LHFPL2: variants seen among roughly 807,000 people sequenced by gnomAD.
LHFPL2 encodes LHFPL tetraspan subfamily member 2, also known as LHFPL tetraspan subfamily member 2 protein.
LHFPL2 carries 7 observed loss-of-function variants against 17.5 expected under a neutral mutation model. That is an observed-to-expected ratio of 0.40 (90% CI 0.23 to 0.75). LHFPL2 has a LOEUF of 0.75. LHFPL2 is among the 30% of genes least tolerant of loss of function. The pLI is 0.37. For missense variants in LHFPL2, 241 were observed against 294.8 expected (o/e 0.82, Z 1.34); for synonymous variants, 134 against 116.2 (o/e 1.15, Z -0.99).
At chr5:78,595,160 T>A (rs1309917769) in intron 2 of LHFPL2, among the ~76,000 whole-genome samples, 1 of 152,230 alleles carries the variant, frequency 6.6e-6, no homozygotes, top group African/African-American at 2.4e-5. Flanking sequence ...AAATAACAAG[T>A]TAGACAAGCC....
At chr5:78,534,654 C>T (rs918518739) in intron 3 of LHFPL2, among the ~76,000 whole-genome samples, 4 of 152,220 alleles carry the variant, frequency 2.6e-5, no homozygotes, top group African/African-American at 7.2e-5. Flanking sequence ...GCTCCAGGTC[C>T]TTGAGGGAAG....
intron 2 of LHFPL2, among the ~76,000 whole-genome samples, chr5:78,602,978 C>T (rs1744074356): frequency 6.6e-6 from 1 of 152,162 alleles, no homozygotes; most frequent in South Asian, 2.1e-4. Flanking sequence ...GCAACCTTCG[C>T]CTCCTGGGTT....
chr5:78,642,287 G>A (rs1745695279), intron 1 of LHFPL2: 1 of 152,070 alleles, frequency 6.6e-6, no homozygotes, highest in Admixed American at 6.5e-5. Context: ...CATGAATCTG[G>A]GGGACACAAA....
chr5:78,604,249 A>G (rs1205093590), intron 2 of LHFPL2, among the ~76,000 whole-genome samples: 1 of 152,174 alleles, frequency 6.6e-6, no homozygotes, highest in African/African-American at 2.4e-5. Flanking sequence ...AGGCCGAGGC[A>G]GGCGGATCAC....
chr5:78,608,610 A>G (rs931982769), intron 2 of LHFPL2, among the ~76,000 whole-genome samples: 2 of 151,202 alleles, frequency 1.3e-5, no homozygotes, highest in Non-Finnish European at 2.9e-5. Context: ...AAAAGTGCCT[A>G]AAAACTCTCA....
chr5:78,581,959 A>T (rs1743162493), intron 2 of LHFPL2, among the ~76,000 whole-genome samples: 1 of 152,168 alleles, frequency 6.6e-6, no homozygotes, highest in Non-Finnish European at 1.5e-5. Context: ...TTATTGCCAC[A>T]ATTTCAGATC....
At chr5:78,606,044 C>T (rs1414030463) in intron 2 of LHFPL2, among the ~76,000 whole-genome samples, 1 of 152,202 alleles carries the variant, frequency 6.6e-6, no homozygotes, top group African/African-American at 2.4e-5. Flanking sequence ...AAATTCTGTG[C>T]TCCTATGCAG....
At chr5:78,523,436 T>G (rs1755519970) in intron 3 of LHFPL2, among the ~76,000 whole-genome samples, 1 of 151,540 alleles carries the variant, frequency 6.6e-6, no homozygotes, top group Non-Finnish European at 1.5e-5. Context: ...TCCCCCACAG[T>G]GAGGGGGTAG....
At chr5:78,526,017 A>G (rs1002686660) in intron 3 of LHFPL2, among the ~76,000 whole-genome samples, 2 of 152,104 alleles carry the variant, frequency 1.3e-5, no homozygotes, top group African/African-American at 4.8e-5. Flanking sequence ...CAGCCTCCCC[A>G]AGTCCAGTGC....
chr5:78,526,763 G>A (rs1281057195), intron 3 of LHFPL2, among the ~76,000 whole-genome samples: 1 of 152,140 alleles, frequency 6.6e-6, no homozygotes, highest in African/African-American at 2.4e-5. Context: ...TCAATTGAAT[G>A]CACTTCAAAA....
intron 2 of LHFPL2, among the ~76,000 whole-genome samples, chr5:78,620,497 A>T (rs1744812846): frequency 1.3e-5 from 2 of 152,196 alleles, no homozygotes; most frequent in African/African-American, 4.8e-5. Flanking sequence ...GGAGCAACAG[A>T]TTGAAAAGCA....
chr5:78,532,532 G>A (rs1362615437), intron 3 of LHFPL2, among the ~76,000 whole-genome samples: 5 of 152,064 alleles, frequency 3.3e-5, no homozygotes, highest in African/African-American at 1.2e-4. Context: ...AGCTAACACC[G>A]TAGTCCACCT....
intron 1 of LHFPL2, among the ~76,000 whole-genome samples, chr5:78,640,804 C>T (rs138477631): frequency 6.6e-6 from 1 of 152,330 alleles, no homozygotes; most frequent in Non-Finnish European, 1.5e-5. Flanking sequence ...ATCATCCCCA[C>T]TGGACTTACC....
At chr5:78,544,752 T>TACACACACACACACACACGTATACAC (rs1554054449) in intron 3 of LHFPL2, among the ~76,000 whole-genome samples, 9 of 149,004 alleles carry the variant, frequency 6.0e-5, no homozygotes, top group African/African-American at 2.2e-4. Context: ...GCCATCTTCT[T>TACACACACACACACACACGTATACAC]ACACACACAC....
chr5:78,533,754 C>T (rs948324587), intron 3 of LHFPL2, among the ~76,000 whole-genome samples: 2 of 152,336 alleles, frequency 1.3e-5, no homozygotes, highest in East Asian at 3.9e-4. Context: ...AAGCATTTAT[C>T]AACACCTGAA....
At position 78,552,555 on chromosome 5, in the gene LHFPL2, C is replaced by T. The variant is rs188111916; in HGVS notation, c.-186+12258G>A. Among the ~76,000 whole-genome samples, 25 of 152,324 alleles carry T rather than the reference C, an allele frequency of 1.6e-4. No individual in the cohort carries two copies. In the East Asian group the frequency reaches 4.8e-3, roughly 29 times the overall value. ...GGGGAAACCTGATGCCAACTTATTC[C>T]TTTGTTTCCTTTCTCAATCCATGTA... is the stretch of plus-strand genomic sequence containing the variant. On this transcript the variant is annotated intron_variant, in intron 3 of 4. Transcript: ENST00000380345.
intron 2 of LHFPL2, among the ~76,000 whole-genome samples, chr5:78,622,525 C>T (rs1301986132): frequency 6.6e-6 from 1 of 152,144 alleles, no homozygotes; most frequent in African/African-American, 2.4e-5. Flanking sequence ...GGCCTGGACC[C>T]TGAGCCTGCC....
intron 2 of LHFPL2, among the ~76,000 whole-genome samples, chr5:78,588,645 AG>A (rs1277490705): frequency 2.6e-5 from 4 of 152,192 alleles, no homozygotes; most frequent in African/African-American, 9.6e-5. Context: ...CCTCTTCAAA[AG>A]CTCCATGCTG....
intron 2 of LHFPL2, among the ~76,000 whole-genome samples, chr5:78,596,187 T>G (rs1466310591): frequency 6.6e-6 from 1 of 152,206 alleles, no homozygotes; most frequent in Non-Finnish European, 1.5e-5. Flanking sequence ...ATCATTATAA[T>G]GTCTCCAATT....
Sources: gnomAD v4.1 joint callset for allele counts (sites outside exome capture counted in the v4.1 genomes callset) on GRCh38, gnomAD v4.1.1 for gene constraint, MANE v1.5 for transcripts, NCBI Gene and HGNC (gene_info 2026-07-23, HGNC 2026-07-21) for gene names.